Variants in ZNF726 observed in about 807,000 individuals in gnomAD.
ZNF726 encodes zinc finger protein 92 pseudogene 3.
ZNF726 carries 15 observed loss-of-function variants against 11.6 expected under a neutral mutation model. The observed-to-expected ratio is 1.29, with a 90% CI of 0.86 to 1.99. The LOEUF is 1.99. ZNF726 is among the 30% of genes most tolerant of loss of function. The pLI is 0.00. For synonymous variants in ZNF726, 295 were observed against 243.6 expected, an observed-to-expected ratio of 1.21 and a Z score of -1.96; for missense variants, 890 against 725.6, an observed-to-expected ratio of 1.23 and a Z score of -2.60.
Position 23,934,405 on chromosome 19 carries a change from C to T in ZNF726, c.*438C>T. 2.0e-6 allele frequency: 1 copy of T among 489,208 alleles called. No homozygotes were observed. Among genetic ancestry groups the T allele is most frequent in the Non-Finnish European group, 4.2e-6 (1 of 239,432 alleles). 30.3% of individuals were successfully genotyped at this position (489,208 alleles called of 1,614,324 possible). A position where few individuals can be genotyped will look rare whatever the true frequency, so the allele number is the denominator to read the frequency against. ...AACCCTACAAATGTGAAAAATGTGT[C>T]AAAGCCTTTAAGCAGTCTTCAATCC... is the stretch of plus-strand genomic sequence containing the variant. On this transcript the variant is annotated 3_prime_UTR_variant, in exon 4 of 4. Coordinates refer to ENST00000594466, the MANE Select transcript of ZNF726 (RefSeq NM_001244038.2).
At position 23,932,642 on chromosome 19, in the gene ZNF726, A is replaced by G. The variant is rs1281629931; in HGVS notation, c.526A>G (p.Lys176Glu). Residue 176 changes from lysine to glutamate, a missense_variant, in exon 4 of 4, where the codon AAA becomes GAA. Physicochemically the swap from Lys to Glu is moderately conservative, Grantham distance 56. Coordinates refer to ENST00000594466, the MANE Select transcript of ZNF726 (RefSeq NM_001244038.2). Reference protein sequence around the residue: ...RHTRKKPFKCKNCVKSFCMFS... With the variant: ...RHTRKKPFKCENCVKSFCMFS... ...TACTAGAAAGAAACCTTTCAAATGT[A>G]AAAATTGTGTCAAATCATTTTGCAT... The G allele has an allele frequency of 6.4e-7, 1 of 1,564,046 alleles. No individual in the cohort carries two copies. The highest frequency in any genetic ancestry group is 1.2e-5 in the South Asian group (1 of 84,058).
At chr19:23,918,541 A>G (rs890900246) in intron 1 of ZNF726, among the ~76,000 whole-genome samples, 5 of 152,188 alleles carry the variant, frequency 3.3e-5, no homozygotes, top group Non-Finnish European at 7.3e-5. Flanking sequence ...TAGTGGGGGT[A>G]ATACCTCAGT....
At chr19:23,921,711 TTGTA>T (rs1967856588) in intron 3 of ZNF726, among the ~76,000 whole-genome samples, 3 of 152,180 alleles carry the variant, frequency 2.0e-5, no homozygotes, top group African/African-American at 7.2e-5. Context: ...TAACTTATAA[TTGTA>T]TGTTAATTTC....
At chr19:23,937,929 A>G (rs955368666), downstream of ZNF726, among the ~76,000 whole-genome samples, 9 of 152,354 alleles carry the variant, frequency 5.9e-5, no homozygotes, top group Middle Eastern at 3.4e-3. Flanking sequence ...GGAATAATAT[A>G]CAGTATATTT....
chr19:23,926,173 T>C (rs1967982486), intron 3 of ZNF726, among the ~76,000 whole-genome samples: 1 of 152,196 alleles, frequency 6.6e-6, no homozygotes, highest in Non-Finnish European at 1.5e-5. Context: ...TTTTGTTTTT[T>C]TCTTTGGTGC....
intron 3 of ZNF726, chr19:23,924,037 T>C (rs896501664): frequency 6.8e-6 from 1 of 147,560 alleles, no homozygotes; most frequent in South Asian, 2.2e-4. Context: ...ATATATTCTT[T>C]CTTAGCTCTT....
chr19:23,934,673 G>T (rs180691987), downstream of ZNF726, among the ~76,000 whole-genome samples: 2 of 152,268 alleles, frequency 1.3e-5, no homozygotes, highest in African/African-American at 2.4e-5. Flanking sequence ...CAGACACACC[G>T]GGTTTGGATC....
chr19:23,921,469 G>C (rs887828841), intron 3 of ZNF726: 4 of 152,056 alleles, frequency 2.6e-5, no homozygotes, highest in Admixed American at 6.6e-5. Context: ...ATTGAGTCTA[G>C]AGATCACCTT....
At chr19:23,935,369 G>T, downstream of ZNF726, 1 of 527,464 alleles carries the variant, frequency 1.9e-6, no homozygotes. Flanking sequence ...ATGCTGGACA[G>T]CAACCCTACA....
At chr19:23,941,327 A>G (rs529317125) in intron 3 of ZNF726, among the ~76,000 whole-genome samples, 1 of 152,128 alleles carries the variant, frequency 6.6e-6, no homozygotes, top group Non-Finnish European at 1.5e-5. Context: ...CTGGTATGCA[A>G]CCCACTTGAT....
At chr19:23,940,487 C>G (rs905656935) in intron 3 of ZNF726, among the ~76,000 whole-genome samples, 1 of 151,910 alleles carries the variant, frequency 6.6e-6, no homozygotes, top group Non-Finnish European at 1.5e-5. Flanking sequence ...TATGTGGGCT[C>G]TATATGAATG....
At chr19:23,938,021 C>A (rs1219211734), downstream of ZNF726, among the ~76,000 whole-genome samples, 1 of 152,134 alleles carries the variant, frequency 6.6e-6, no homozygotes, top group Non-Finnish European at 1.5e-5. Flanking sequence ...AAGCATTATG[C>A]CACTAACTTT....
At chr19:23,923,403 C>T (rs1967901455) in intron 3 of ZNF726, 1 of 410,380 alleles carries the variant, frequency 2.4e-6, no homozygotes, top group Non-Finnish European at 4.7e-6. Context: ...ACAATAGATG[C>T]CAGTAATTTT....
intron 3 of ZNF726, among the ~76,000 whole-genome samples, chr19:23,940,683 T>A (rs1968325120): frequency 6.6e-6 from 1 of 152,228 alleles, no homozygotes. Context: ...TGTTTTGTAG[T>A]TTTCCTTGTA....
intron 3 of ZNF726, chr19:23,928,894 C>A (rs765153106): frequency 1.7e-4 from 26 of 152,092 alleles, no homozygotes; most frequent in Non-Finnish European, 3.2e-4. Flanking sequence ...GTTTCTCAAA[C>A]TCAGAAGATT....
intron 3 of ZNF726, among the ~76,000 whole-genome samples, chr19:23,921,936 A>G (rs1967863040): frequency 6.6e-6 from 1 of 152,342 alleles, no homozygotes; most frequent in Non-Finnish European, 1.5e-5. Context: ...AGACAATAGT[A>G]TTGCGTTGGT....
At chr19:23,927,017 G>A (rs1278143994) in intron 3 of ZNF726, among the ~76,000 whole-genome samples, 1 of 151,858 alleles carries the variant, frequency 6.6e-6, no homozygotes, top group Non-Finnish European at 1.5e-5. Context: ...TTGCTCTGTC[G>A]CCCAGGCTGG....
At chr19:23,923,026 A>G (rs1042593812) in intron 3 of ZNF726, among the ~76,000 whole-genome samples, 2 of 152,018 alleles carry the variant, frequency 1.3e-5, no homozygotes, top group Non-Finnish European at 2.9e-5. Context: ...ATTTAGGACA[A>G]TATACTAGAA....
At chr19:23,935,355 A>T, downstream of ZNF726, 1 of 528,926 alleles carries the variant, frequency 1.9e-6, no homozygotes. Context: ...ACATAAGAAA[A>T]TTCATGCTGG....
Sources: gnomAD v4.1 joint callset for allele counts (sites outside exome capture counted in the v4.1 genomes callset) on GRCh38, gnomAD v4.1.1 for gene constraint, MANE v1.5 for transcripts, NCBI Gene and HGNC (gene_info 2026-07-23, HGNC 2026-07-21) for gene names.